FOCAD: variants seen among roughly 807,000 people sequenced by gnomAD.
FOCAD encodes focadhesin, also known as KIAA1797.
A neutral mutation model predicts 225.6 loss-of-function variants in FOCAD; 198 were observed. The ratio of observed to expected loss-of-function variants is 0.88; its 90% CI spans 0.78 to 0.99. The LOEUF (loss-of-function observed/expected upper bound fraction) is 0.99, where lower values mean the gene tolerates loss of function less well. FOCAD is among the 50% of genes least tolerant of loss of function. The pLI is 0.00. For missense variants in FOCAD, 2,713 were observed against 2,123.6 expected (o/e 1.28, Z -5.46); for synonymous variants, 897 against 755.0 (o/e 1.19, Z -3.08).
intron 7 of FOCAD, among the ~76,000 whole-genome samples, chr9:20,768,314 T>A (rs1040328216): frequency 2.0e-5 from 3 of 151,858 alleles, no homozygotes; most frequent in Non-Finnish European, 2.9e-5. Flanking sequence ...TGCGGGCTCT[T>A]TTTTGGTTCC....
In FOCAD at chr9:20,659,369, T is replaced by G. The variant is rs1425979444; in HGVS notation, c.-78+543T>G. On this transcript the variant is annotated intron_variant, in intron 2 of 45. Transcript: ENST00000380249. The stretch of plus-strand genomic sequence containing the variant: ...TTGCAGTGAGTCAAGATGGCGCCAC[T>G]GCACTCCAGCCTGAGTGACAGAGTG... Among the ~76,000 whole-genome samples the G allele has an allele frequency of 2.7e-5, 4 of 147,418 alleles. 1 individual carries two copies. In the East Asian group the frequency reaches 6.0e-4, roughly 22 times the overall value.
At chr9:20,850,764 G>T (rs1407927574) in intron 15 of FOCAD, among the ~76,000 whole-genome samples, 1 of 150,358 alleles carries the variant, frequency 6.7e-6, no homozygotes, top group African/African-American at 2.4e-5. Context: ...GTACATAATT[G>T]CTCTTTAATA....
At position 20,908,240 on chromosome 9, in the gene FOCAD, G is replaced by A. The variant is rs560507128; in HGVS notation, c.2718+998G>A. Among the ~76,000 whole-genome samples, 9 of 152,086 alleles carry A rather than the reference G, an allele frequency of 5.9e-5. 1 individual carries two copies. The South Asian group carries it at 6.2e-4, about 11-fold the overall frequency. On this transcript the variant is annotated intron_variant, in intron 22 of 43. Transcript: ENST00000338382. ...ATTTATGTCCCAGAGTAAGATTTCCGTGAAGGCTTAAAAGTGAGGTATTGT... is the reference window on the plus strand; with the variant it reads ...ATTTATGTCCCAGAGTAAGATTTCCATGAAGGCTTAAAAGTGAGGTATTGT...
chr9:20,672,868 A>G (rs1240315982), intron 2 of FOCAD, among the ~76,000 whole-genome samples: 9 of 152,262 alleles, frequency 5.9e-5, no homozygotes, highest in East Asian at 1.9e-4. Context: ...ACCAAACTTC[A>G]GTTCCATGGA....
chr9:20,854,929 A>G (rs1828016433), intron 15 of FOCAD, among the ~76,000 whole-genome samples: 1 of 151,796 alleles, frequency 6.6e-6, no homozygotes, highest in Non-Finnish European at 1.5e-5. Flanking sequence ...ACCACTGCAT[A>G]CCCATTGATT....
rs377634149 is a variant in FOCAD, at chr9:20,795,658, C to A, written c.1455+6050C>A. 3.3e-5 allele frequency among the ~76,000 whole-genome samples: 5 copies of A among 151,740 alleles called. No homozygotes were observed. In the South Asian group the frequency reaches 1.0e-3, roughly 32 times the overall value. On this transcript the variant is annotated intron_variant, in intron 11 of 43. Coordinates refer to ENST00000338382, the MANE Select transcript of FOCAD (RefSeq NM_001375567.1). Reference sequence around the variant, plus strand: ...ACTTAGTCGGGCGTGGTGGCGGGTGCCTGTAGTCCCAGCTACTCGGGAGTC... The same window carrying A: ...ACTTAGTCGGGCGTGGTGGCGGGTGACTGTAGTCCCAGCTACTCGGGAGTC...
At chr9:20,671,091 GAC>G (rs1554649622) in intron 2 of FOCAD, among the ~76,000 whole-genome samples, 1 of 152,038 alleles carries the variant, frequency 6.6e-6, no homozygotes, top group Non-Finnish European at 1.5e-5. Context: ...TCTGTAATAA[GAC>G]AATGAAATTA....
chr9:20,972,631 G>A (rs1839863233), intron 35 of FOCAD, among the ~76,000 whole-genome samples: 1 of 151,602 alleles, frequency 6.6e-6, no homozygotes, highest in Non-Finnish European at 1.5e-5. Context: ...GCTTCTTTCT[G>A]CTGTTTTTCA....
intron 35 of FOCAD, among the ~76,000 whole-genome samples, chr9:20,967,193 C>T (rs912033725): frequency 1.3e-5 from 2 of 152,056 alleles, no homozygotes; most frequent in Non-Finnish European, 2.9e-5. Context: ...CTGCTTTAAT[C>T]TCTTTAGCAT....
At chr9:20,741,163 C>T (rs1385612357) in intron 5 of FOCAD, among the ~76,000 whole-genome samples, 1 of 152,116 alleles carries the variant, frequency 6.6e-6, no homozygotes, top group African/African-American at 2.4e-5. Flanking sequence ...GGTGATCAAA[C>T]AGGGAAAGGA....
intron 15 of FOCAD, among the ~76,000 whole-genome samples, chr9:20,828,929 C>A (rs1168034874): frequency 6.6e-6 from 1 of 152,108 alleles, no homozygotes; most frequent in Admixed American, 6.6e-5. Flanking sequence ...AGGATAATGA[C>A]TTCCAGCTCC....
chr9:20,986,251 A>C, intron 39 of FOCAD, 37 bp from the exon 40 acceptor site: 2 of 1,083,874 alleles, frequency 1.8e-6, no homozygotes, highest in Non-Finnish European at 2.3e-6. Context: ...CAGTTAATTT[A>C]ATAGTAACTA....
At chr9:20,933,217 G>C (rs747812658) in intron 28 of FOCAD, 114 bp downstream of exon 28, 3 of 716,438 alleles carry the variant, frequency 4.2e-6, no homozygotes, top group Non-Finnish European at 6.9e-6. Context: ...ATTTCCATAG[G>C]TTATTGGGGA....
chr9:20,769,223 G>A (rs10441704), intron 7 of FOCAD, among the ~76,000 whole-genome samples: 1 of 151,950 alleles, frequency 6.6e-6, no homozygotes, highest in Non-Finnish European at 1.5e-5. Flanking sequence ...TTTTCTCTCT[G>A]TGTATAACTA....
intron 24 of FOCAD, among the ~76,000 whole-genome samples, chr9:20,921,038 A>AT (rs1480045767): frequency 6.6e-6 from 1 of 151,900 alleles, no homozygotes; most frequent in African/African-American, 2.4e-5. Flanking sequence ...GTCAATAAAA[A>AT]TTTAGCAAAT....
At chr9:20,851,329 T>C (rs1222232220) in intron 15 of FOCAD, among the ~76,000 whole-genome samples, 1 of 151,740 alleles carries the variant, frequency 6.6e-6, no homozygotes, top group African/African-American at 2.4e-5. Context: ...ATGATGTCCC[T>C]GTTTCTAAAA....
chr9:20,929,351 G>A lies in FOCAD; in HGVS notation c.3079-7G>A. 6.2e-7 allele frequency: 1 copy of A among 1,611,808 alleles called. No individual in the cohort carries two copies. Among genetic ancestry groups the A allele is most frequent in the Non-Finnish European group, 8.5e-7 (1 of 1,178,008 alleles). ...TAACCCTGTTTTCTTTCTTTGGCATGTCCTAGAAGTCCTATTCTGGTGAAA... is the reference window on the plus strand; with the variant it reads ...TAACCCTGTTTTCTTTCTTTGGCATATCCTAGAAGTCCTATTCTGGTGAAA... On this transcript the variant is annotated splice_region_variant and splice_polypyrimidine_tract_variant and intron_variant, in intron 26 of 43. Transcript: ENST00000338382.
chr9:20,798,094 A>G (rs1481776652), intron 11 of FOCAD, among the ~76,000 whole-genome samples: 4 of 152,090 alleles, frequency 2.6e-5, no homozygotes, highest in African/African-American at 4.8e-5. Flanking sequence ...TTCTGCATCT[A>G]TTGAGATAAT....
At chr9:20,781,369 G>T (rs1166254214) in intron 9 of FOCAD, among the ~76,000 whole-genome samples, 1 of 152,146 alleles carries the variant, frequency 6.6e-6, no homozygotes, top group African/African-American at 2.4e-5. Flanking sequence ...TGTATGTTGG[G>T]CTTGTTAGCC....
Sources: allele counts gnomAD v4.1 joint callset (sites outside exome capture counted in the v4.1 genomes callset), GRCh38; gene constraint gnomAD v4.1.1; transcripts MANE v1.5; gene names NCBI Gene and HGNC (gene_info 2026-07-23, HGNC 2026-07-21).